DUSP8: variants seen among roughly 807,000 people sequenced by gnomAD.
DUSP8 encodes dual specificity phosphatase 8.
Under a neutral mutation model 38.7 loss-of-function variants are expected in DUSP8, and 15 were observed. That is an observed-to-expected ratio of 0.39 (90% CI 0.26 to 0.60). The LOEUF is 0.60. Ranked by LOEUF, DUSP8 falls within the 20% of genes least tolerant of loss-of-function variation. DUSP8 has a pLI of 0.56. For synonymous variants in DUSP8, 458 were observed against 433.9 expected (o/e 1.06, Z -0.69); for missense variants, 768 against 915.0 (o/e 0.84, Z 2.07).
rs368533536 is a variant in DUSP8 at position 1,558,101 on chromosome 11, C to T, written c.697+11G>A. On this transcript the variant is annotated intron_variant, in intron 5 of 6. Coordinates refer to ENST00000397374, the MANE Select transcript of DUSP8 (RefSeq NM_004420.3). This position sits in a 1 kb window ranked among gnomAD's most constrained non-coding sequence, Gnocchi z 6.3. ...AGCCAGGTCCCTGCCCTCCGCCCAC[C>T]GCAGACTCACCGATGAACTCGATGG... 6.2e-6 allele frequency: 10 copies of T among 1,611,822 alleles called. No homozygotes were observed. Among genetic ancestry groups the T allele is most frequent in the African/African-American group, 4.0e-5 (3 of 74,872 alleles).
rs1848677107 is a variant in DUSP8 at position 1,558,946 on chromosome 11, G to A, written c.480C>T (p.Gly160=). Residue 160 remains glycine (G), a synonymous_variant, in exon 4 of 7, where the codon GGC becomes GGT. Coordinates refer to ENST00000397374, the MANE Select transcript of DUSP8 (RefSeq NM_004420.3). This position sits in a 1 kb window ranked among gnomAD's most constrained non-coding sequence, Gnocchi z 6.3. The part of the protein sequence containing the change: ...SQPCLPVPSV[G]LTRILPHLYL... Reference sequence around the variant, plus strand: ...AGAGGTGAGGCAGGATGCGGGTCAGGCCCACGCTGGGCACAGGCAGGCAGG... The same window carrying A: ...AGAGGTGAGGCAGGATGCGGGTCAGACCCACGCTGGGCACAGGCAGGCAGG... The A allele has an allele frequency of 6.2e-7, 1 of 1,612,916 alleles. No homozygotes were observed. Among genetic ancestry groups the A allele is most frequent in the African/African-American group, 1.3e-5 (1 of 74,918 alleles).
chr11:1,572,463 C>T (rs1470795235), upstream of DUSP8, among the ~76,000 whole-genome samples: 1 of 149,016 alleles, frequency 6.7e-6, no homozygotes, highest in Non-Finnish European at 1.5e-5. The surrounding 1 kb of genome is among the most constrained non-coding windows in gnomAD (Gnocchi z 4.7). Context: ...GCGGGTGGGT[C>T]GCGCCGCCGC....
rs1848657178 is a variant in DUSP8 at position 1,557,638 on chromosome 11, G to A, written c.822-64C>T. On this transcript the variant is annotated intron_variant, in intron 6 of 6. Coordinates refer to ENST00000397374, the MANE Select transcript of DUSP8 (RefSeq NM_004420.3). This position sits in a 1 kb window ranked among gnomAD's most constrained non-coding sequence, Gnocchi z 9.9. ...GCCAGGCTGCCCACCTGACGCACCC[G>A]CTGGGCACCCACGAGCTCATGTGCG... 24 of 1,513,486 alleles carry A rather than the reference G, an allele frequency of 1.6e-5. No homozygotes were observed. Among genetic ancestry groups the A allele is most frequent in the South Asian group, 3.9e-5 (3 of 77,296 alleles). 93.8% of individuals were successfully genotyped at this position (1,513,486 alleles called of 1,614,324 possible).
Position 1,556,507 on chromosome 11 carries a change from C to A in DUSP8, c.*11G>T. The A allele has an allele frequency of 8.1e-7, 1 of 1,235,614 alleles. No homozygotes were observed. The highest frequency in any genetic ancestry group is 3.8e-5 in the South Asian group (1 of 26,208). 76.5% of individuals were successfully genotyped at this position (1,235,614 alleles called of 1,614,324 possible). ...TGGCTGCGGGCGGCGGGGCCGAGGG[C>A]AGCGGAGGGGTCAGGACACCTCGAT... On this transcript the variant is annotated 3_prime_UTR_variant, in exon 7 of 7. Transcript: ENST00000397374. This position sits in a 1 kb window ranked among gnomAD's most constrained non-coding sequence, Gnocchi z 5.2.
Position 1,556,873 on chromosome 11 carries a change from C to T in DUSP8, c.1523G>A (p.Trp508Ter). 8.9e-7 allele frequency: 1 copy of T among 1,117,624 alleles called. No individual in the cohort carries two copies. The highest frequency in any genetic ancestry group is 1.7e-5 in the African/African-American group (1 of 60,124). 69.2% of individuals were successfully genotyped at this position (1,117,624 alleles called of 1,614,324 possible). Residue 508 changes from tryptophan to a stop codon, truncating the protein, a stop_gained, in exon 7 of 7, where the codon TGG becomes TAG. Transcript: ENST00000397374. LOFTEE classifies it high-confidence loss of function. The surrounding 1 kb of genome is among the most constrained non-coding windows in gnomAD (Gnocchi z 5.2). ...GPGQPAGPGA[W>*]APPLDSPGTP... ...GCCTGGGGAGTCGAGCGGCGGTGCC[C>T]AGGCCCCGGGGCCGGCCGGCTGGCC...
Position 1,563,770 on chromosome 11 carries a change from C to A in DUSP8, c.370+81G>T, listed in dbSNP as rs1848757412. The A allele has an allele frequency of 2.9e-6, 4 of 1,388,386 alleles. No homozygotes were observed. The South Asian group carries it at 4.7e-5, about 16-fold the overall frequency. 86.0% of individuals were successfully genotyped at this position (1,388,386 alleles called of 1,614,324 possible). On this transcript the variant is annotated intron_variant, in intron 3 of 6. Coordinates refer to ENST00000397374, the MANE Select transcript of DUSP8 (RefSeq NM_004420.3). ...GAGATCCCCCCGTGCCCAGCGGACA[C>A]CTCCCTGATGCCCCAGCCCCAGCCC...
Position 1,556,218 on chromosome 11 carries a change from G to GGGGCGGGGGAACT in DUSP8, c.*287_*299dup, listed in dbSNP as rs1439481095. On this transcript the variant is annotated 3_prime_UTR_variant, in exon 7 of 7. Coordinates refer to ENST00000397374, the MANE Select transcript of DUSP8 (RefSeq NM_004420.3). The surrounding 1 kb of genome is among the most constrained non-coding windows in gnomAD (Gnocchi z 5.2). ...TTTGCAAAGGTCAGCAGTGTTTCCT[G>GGGGCGGGGGAACT]GGGCGGGGGAACTGGGAGGGGCCCC... The GGGGCGGGGGAACT allele has an allele frequency of 3.3e-6, 1 of 299,980 alleles. No homozygotes were observed. Among genetic ancestry groups the GGGGCGGGGGAACT allele is most frequent in the Non-Finnish European group, 6.1e-6 (1 of 165,204 alleles). 18.6% of individuals were successfully genotyped at this position (299,980 alleles called of 1,614,324 possible). A position where few individuals can be genotyped will look rare whatever the true frequency, so the allele number is the denominator to read the frequency against.
At chr11:1,561,487 C>T (rs1029992336) in intron 3 of DUSP8, among the ~76,000 whole-genome samples, 3 of 152,244 alleles carry the variant, frequency 2.0e-5, no homozygotes, top group Non-Finnish European at 4.4e-5. Context: ...GGTCCAAGGC[C>T]GACTGCGGGC....
At position 1,556,851 on chromosome 11, in the gene DUSP8, T is replaced by C; in HGVS notation, c.1545A>G (p.Pro515=). The C allele has an allele frequency of 5.3e-6, 6 of 1,138,986 alleles. No individual in the cohort carries two copies. The highest frequency in any genetic ancestry group is 6.5e-6 in the Non-Finnish European group (6 of 929,178). The allele number at this position is 1,138,986 out of a possible 1,614,324, so 70.6% of individuals were successfully genotyped here. Residue 515 remains proline (P), a synonymous_variant, in exon 7 of 7, where the codon CCA becomes CCG. Transcript: ENST00000397374. This position sits in a 1 kb window ranked among gnomAD's most constrained non-coding sequence, Gnocchi z 5.2. ...AGGGCCCGTCGGGCGACGGCGTGCCTGGGGAGTCGAGCGGCGGTGCCCAGG... is the reference window on the plus strand; with the variant it reads ...AGGGCCCGTCGGGCGACGGCGTGCCCGGGGAGTCGAGCGGCGGTGCCCAGG... ...PGAWAPPLDS[P]GTPSPDGPWC...
In DUSP8 at chr11:1,556,569, C is replaced by G; in HGVS notation, c.1827G>C (p.Leu609=). 1 of 1,427,266 alleles carries G rather than the reference C, an allele frequency of 7.0e-7. No homozygotes were observed. The highest frequency in any genetic ancestry group is 9.2e-7 in the Non-Finnish European group (1 of 1,089,780). The allele number at this position is 1,427,266 out of a possible 1,614,324, so 88.4% of individuals were successfully genotyped here. ...GRARGEELAA[L]GKQASFSGSV... is the part of the protein sequence containing the mutation. ...TGCCCGAGAAGCTCGCCTGCTTGCC[C>G]AGGGCGGCCAGCTCCTCGCCGCGCG... The change falls in exon 7 of 7, where the codon CTG becomes CTC. Residue 609 remains leucine, a synonymous_variant. Transcript: ENST00000397374. This position sits in a 1 kb window ranked among gnomAD's most constrained non-coding sequence, Gnocchi z 5.2.
chr11:1,562,784 C>T (rs1228857451), intron 3 of DUSP8, among the ~76,000 whole-genome samples: 1 of 152,202 alleles, frequency 6.6e-6, no homozygotes, highest in East Asian at 1.9e-4. Flanking sequence ...CACAGACGCA[C>T]AGACACCCTC....
rs1206965261 is a variant in DUSP8, at chr11:1,557,654, C to T, written c.822-80G>A. The T allele has an allele frequency of 6.5e-7, 1 of 1,533,808 alleles. No homozygotes were observed. The highest frequency in any genetic ancestry group is 8.8e-7 in the Non-Finnish European group (1 of 1,141,172). Reference sequence around the variant, plus strand: ...GACGCACCCGCTGGGCACCCACGAGCTCATGTGCGCCAGGCTGGTCTCAGG... The same window carrying T: ...GACGCACCCGCTGGGCACCCACGAGTTCATGTGCGCCAGGCTGGTCTCAGG... On this transcript the variant is annotated intron_variant, in intron 6 of 6. Transcript: ENST00000397374. This position sits in a 1 kb window ranked among gnomAD's most constrained non-coding sequence, Gnocchi z 9.9.
At position 1,556,560 on chromosome 11, in the gene DUSP8, C is replaced by T. The variant is rs765904016; in HGVS notation, c.1836G>A (p.Gln612=). The change falls in exon 7 of 7, where the codon CAG becomes CAA. Residue 612 remains glutamine, a synonymous_variant. Transcript: ENST00000397374. This position sits in a 1 kb window ranked among gnomAD's most constrained non-coding sequence, Gnocchi z 5.2. ...CCTCCACGCTGCCCGAGAAGCTCGCCTGCTTGCCCAGGGCGGCCAGCTCCT... is the reference window on the plus strand; with the variant it reads ...CCTCCACGCTGCCCGAGAAGCTCGCTTGCTTGCCCAGGGCGGCCAGCTCCT... ...RGEELAALGK[Q]ASFSGSVEVI... 13 of 1,415,872 alleles carry T rather than the reference C, an allele frequency of 9.2e-6. No individual in the cohort carries two copies. The highest frequency in any genetic ancestry group is 1.2e-5 in the Non-Finnish European group (13 of 1,083,298). The allele number at this position is 1,415,872 out of a possible 1,614,324, so 87.7% of individuals were successfully genotyped here. A position where few individuals can be genotyped will look rare whatever the true frequency, so the allele number is the denominator to read the frequency against.
Position 1,554,748 on chromosome 11 carries a change from C to T in DUSP8, c.*1770G>A. The T allele has an allele frequency of 2.0e-6, 1 of 495,928 alleles. No homozygotes were observed. The highest frequency in any genetic ancestry group is 2.6e-6 in the Non-Finnish European group (1 of 381,078). The allele number at this position is 495,928 out of a possible 1,614,324, so 30.7% of individuals were successfully genotyped here. A position where few individuals can be genotyped will look rare whatever the true frequency, so the allele number is the denominator to read the frequency against. ...AGTGCATCCTCCTCACCCAGGGTCTCCTCAGAAACCCAACGCAACAGACAT... is the reference window on the plus strand; with the variant it reads ...AGTGCATCCTCCTCACCCAGGGTCTTCTCAGAAACCCAACGCAACAGACAT... On this transcript the variant is annotated 3_prime_UTR_variant, in exon 7 of 7. Coordinates refer to ENST00000397374, the MANE Select transcript of DUSP8 (RefSeq NM_004420.3).
Position 1,563,995 on chromosome 11 carries a change from G to A in DUSP8, c.232-6C>T, listed in dbSNP as rs919413041. 15 of 1,459,702 alleles carry A rather than the reference G, an allele frequency of 1.0e-5. No homozygotes were observed. The highest frequency in any genetic ancestry group is 9.9e-5 in the African/African-American group (7 of 70,376). 90.4% of individuals were successfully genotyped at this position (1,459,702 alleles called of 1,614,324 possible). On this transcript the variant is annotated splice_region_variant and splice_polypyrimidine_tract_variant and intron_variant, in intron 2 of 6. Transcript: ENST00000397374. Reference sequence around the variant, plus strand: ...TGTGGCTCCGTAGCCTCCACCTGGGGGCCATGGGGCAGAGATCAGCATGCC... The same window carrying A: ...TGTGGCTCCGTAGCCTCCACCTGGGAGCCATGGGGCAGAGATCAGCATGCC...
At chr11:1,570,902 TG>T (rs1848879216) in intron 1 of DUSP8, among the ~76,000 whole-genome samples, 3 of 152,144 alleles carry the variant, frequency 2.0e-5, no homozygotes, top group Admixed American at 2.0e-4. Flanking sequence ...GACCCCCCGC[TG>T]GGGCACAAAA....
rs1848630446 is a variant in DUSP8 at position 1,556,716 on chromosome 11, C to G, written c.1680G>C (p.Glu560Asp). The G allele has an allele frequency of 2.4e-6, 3 of 1,237,804 alleles. No homozygotes were observed. The highest frequency in any genetic ancestry group is 4.3e-5 in the Admixed American group (1 of 23,516). 76.7% of individuals were successfully genotyped at this position (1,237,804 alleles called of 1,614,324 possible). A position where few individuals can be genotyped will look rare whatever the true frequency, so the allele number is the denominator to read the frequency against. Reference protein sequence around the residue: ...PGGGSDLRRREAARAEPRDAR... With the variant: ...PGGGSDLRRRDAARAEPRDAR... Reference sequence around the variant, plus strand: ...CGTCCCGGGGCTCAGCCCTCGCTGCCTCCCGCCGCCGCAGGTCGCTGCCGC... The same window carrying G: ...CGTCCCGGGGCTCAGCCCTCGCTGCGTCCCGCCGCCGCAGGTCGCTGCCGC... The change falls in exon 7 of 7, where the codon GAG (glutamate) becomes GAC (aspartate). Residue 560 changes from glutamate (E) to aspartate (D), a missense_variant. By Grantham distance (45) the Glu-to-Asp change is conservative. Coordinates refer to ENST00000397374, the MANE Select transcript of DUSP8 (RefSeq NM_004420.3). This position sits in a 1 kb window ranked among gnomAD's most constrained non-coding sequence, Gnocchi z 5.2.
Position 1,556,956 on chromosome 11 carries a change from G to C in DUSP8, c.1440C>G (p.Ala480=). 1 of 1,066,534 alleles carries C rather than the reference G, an allele frequency of 9.4e-7. No homozygotes were observed. The highest frequency in any genetic ancestry group is 1.1e-6 in the Non-Finnish European group (1 of 883,812). The allele number at this position is 1,066,534 out of a possible 1,614,324, so 66.1% of individuals were successfully genotyped here. A position where few individuals can be genotyped will look rare whatever the true frequency, so the allele number is the denominator to read the frequency against. The part of the protein sequence containing the change: ...HSLGLNFGDA[A]RQTPRHGLSA... ...AGAGGCCGTGCCGCGGAGTCTGCCG[G>C]GCCGCATCGCCGAAGTTCAGGCCGA... Residue 480 remains alanine, a synonymous_variant, in exon 7 of 7, where the codon GCC becomes GCG. Coordinates refer to ENST00000397374, the MANE Select transcript of DUSP8 (RefSeq NM_004420.3). The surrounding 1 kb of genome is among the most constrained non-coding windows in gnomAD (Gnocchi z 5.2).
chr11:1,558,763 C>G lies in DUSP8; in HGVS notation c.537+126G>C. 8.3e-7 allele frequency: 1 copy of G among 1,208,440 alleles called. No individual in the cohort carries two copies. The highest frequency in any genetic ancestry group is 1.6e-5 in the South Asian group (1 of 63,752). The allele number at this position is 1,208,440 out of a possible 1,614,324, so 74.9% of individuals were successfully genotyped here. On this transcript the variant is annotated intron_variant, in intron 4 of 6. Transcript: ENST00000397374. This position sits in a 1 kb window ranked among gnomAD's most constrained non-coding sequence, Gnocchi z 6.3. Reference sequence around the variant, plus strand: ...TCCTGGGCCCCCACCCATGCTTCTCCCACACCCAGCTCATCCACTGCCTTC... The same window carrying G: ...TCCTGGGCCCCCACCCATGCTTCTCGCACACCCAGCTCATCCACTGCCTTC...
Sources: gnomAD v4.1 joint callset for allele counts (sites outside exome capture counted in the v4.1 genomes callset) on GRCh38, gnomAD v4.1.1 for gene constraint, Gnocchi (gnomAD v3.1) non-coding constraint, MANE v1.5 for transcripts, NCBI Gene and HGNC (gene_info 2026-07-23, HGNC 2026-07-21) for gene names.